NBAS: variants seen among roughly 807,000 people sequenced by gnomAD.
NBAS encodes the protein NAG/BC035112 fusion.
A neutral mutation model predicts 302.5 loss-of-function variants in NBAS; 219 were observed. The observed-to-expected ratio is 0.72, with a 90% confidence interval of 0.65 to 0.81. NBAS has a LOEUF of 0.81. Ranked by LOEUF, NBAS falls within the 30% of genes least tolerant of loss-of-function variation. NBAS has a pLI of 0.00. For synonymous variants in NBAS, 1,118 were observed against 1,021.6 expected (o/e 1.09, Z -1.80); for missense variants, 2,932 against 2,841.6 (o/e 1.03, Z -0.72).
At chr2:14,996,650 C>T in the NBAS span, among the ~76,000 whole-genome samples, 114 of 152,324 alleles carry the variant, frequency 7.5e-4, 1 homozygote, top group African/African-American at 2.6e-3. Context: ...GAAACCTTGA[C>T]TTGACAGGGC....
At chr2:15,308,405 C>T (rs753259922) in intron 39 of NBAS, 52 bp from the exon 40 acceptor site, 84 of 1,578,102 alleles carry the variant, frequency 5.3e-5, no homozygotes, top group African/African-American at 2.3e-4. Context: ...TTATGAAGAT[C>T]ATTATAAACC....
intron 29 of NBAS, among the ~76,000 whole-genome samples, chr2:15,381,408 T>C (rs576820753): frequency 6.6e-6 from 1 of 152,342 alleles, no homozygotes; most frequent in African/African-American, 2.4e-5. Flanking sequence ...TGTTATAATA[T>C]GCTTTCAAAT....
the NBAS span, among the ~76,000 whole-genome samples, chr2:15,144,935 T>G: frequency 1.3e-5 from 2 of 151,312 alleles, no homozygotes; most frequent in African/African-American, 2.5e-5. Context: ...GTGCCTTTCT[T>G]TACTGCAAAG....
intron 41 of NBAS, among the ~76,000 whole-genome samples, chr2:15,288,172 G>A (rs1042673935): frequency 6.6e-6 from 1 of 152,250 alleles, no homozygotes; most frequent in Non-Finnish European, 1.5e-5. Flanking sequence ...AGCACAATTA[G>A]TCACTTAACA....
chr2:15,547,734 C>T (rs1228774618), intron 6 of NBAS, among the ~76,000 whole-genome samples: 1 of 152,138 alleles, frequency 6.6e-6, no homozygotes, highest in African/African-American at 2.4e-5. Context: ...GAAAGGGCTG[C>T]ACTGGGAAAA....
At chr2:14,925,489 G>A in the NBAS span, among the ~76,000 whole-genome samples, 1 of 152,110 alleles carries the variant, frequency 6.6e-6, no homozygotes, top group Non-Finnish European at 1.5e-5. Flanking sequence ...CATAAAATAT[G>A]CTCATAAAAA....
intron 47 of NBAS, among the ~76,000 whole-genome samples, chr2:15,223,681 T>C (rs1042041300): frequency 4.6e-5 from 7 of 151,662 alleles, no homozygotes; most frequent in Non-Finnish European, 1.0e-4. Flanking sequence ...ATACAAAAAT[T>C]AGCTGGGCGT....
At chr2:15,303,817 G>T (rs1670914380) in intron 40 of NBAS, among the ~76,000 whole-genome samples, 1 of 152,230 alleles carries the variant, frequency 6.6e-6, no homozygotes, top group Non-Finnish European at 1.5e-5. Context: ...AGGCCAAAAT[G>T]TGGCTGTGGA....
chr2:15,021,286 T>C, the NBAS span, among the ~76,000 whole-genome samples: 2 of 151,816 alleles, frequency 1.3e-5, no homozygotes, highest in Non-Finnish European at 2.9e-5. Context: ...ACAGTGACTC[T>C]GAAAGAATGC....
Position 15,353,572 on chromosome 2 carries a change from C to A in NBAS, c.4070G>T (p.Ser1357Ile), listed in dbSNP as rs1199205096. ...PSSIELLLAA[S>I]SSLQTEILYQ... ...ACTTACTTCTGTCTGCAGAGAGCTGCTAGCTGCCAAAAGAAGTTCAATGCT... is the reference window on the plus strand; with the variant it reads ...ACTTACTTCTGTCTGCAGAGAGCTGATAGCTGCCAAAAGAAGTTCAATGCT... The change falls in exon 34 of 52, where the codon AGC (serine) becomes ATC (isoleucine). Residue 1357 changes from serine (S) to isoleucine (I), a missense_variant. Coordinates refer to ENST00000281513, the MANE Select transcript of NBAS (RefSeq NM_015909.4). 2 of 1,613,886 alleles carry A rather than the reference C, an allele frequency of 1.2e-6. No homozygotes were observed. Among genetic ancestry groups the A allele is most frequent in the Admixed American group, 1.7e-5 (1 of 60,004 alleles).
rs779617869 is a variant in NBAS at position 15,218,880 on chromosome 2, C to T, written c.6325G>A (p.Val2109Met). ...AATGATTGCCCCAAAATCTGCAGCACGTGAATGCGGGGCCGCACCGGCCAG... is the reference window on the plus strand; with the variant it reads ...AATGATTGCCCCAAAATCTGCAGCATGTGAATGCGGGGCCGCACCGGCCAG... ...DAWPVRPRIH[V>M]LQILGQSFHL... The change falls in exon 48 of 52, where the codon GTG becomes ATG. Residue 2109 changes from valine (V) to methionine (M), a missense_variant. By Grantham distance (21) the Val-to-Met change is conservative. Transcript: ENST00000281513. 2.7e-5 allele frequency: 44 copies of T among 1,614,144 alleles called. No homozygotes were observed. The highest frequency in any genetic ancestry group is 3.6e-5 in the Non-Finnish European group (42 of 1,180,064).
At chr2:14,998,896 A>G in the NBAS span, among the ~76,000 whole-genome samples, 1 of 152,182 alleles carries the variant, frequency 6.6e-6, no homozygotes, top group Non-Finnish European at 1.5e-5. Flanking sequence ...ATTTCTCCAA[A>G]TCGGATCATC....
At chr2:14,935,633 C>CT in the NBAS span, among the ~76,000 whole-genome samples, 2 of 152,150 alleles carry the variant, frequency 1.3e-5, no homozygotes, top group African/African-American at 2.4e-5. Context: ...AATCCCTCCC[C>CT]TTTAAACAGT....
chr2:14,964,701 C>A, the NBAS span, among the ~76,000 whole-genome samples: 1 of 152,018 alleles, frequency 6.6e-6, no homozygotes, highest in Admixed American at 6.6e-5. Context: ...ACCACACAAC[C>A]TGATTAATTG....
the NBAS span, among the ~76,000 whole-genome samples, chr2:14,843,583 A>ACACACACACACACAC: frequency 1.1e-4 from 10 of 94,204 alleles, no homozygotes; most frequent in African/African-American, 1.3e-3. Context: ...CACACACACA[A>ACACACACACACACAC]AAATACCTTC....
intron 25 of NBAS, among the ~76,000 whole-genome samples, chr2:15,414,148 A>G (rs1338204515): frequency 6.6e-6 from 1 of 152,234 alleles, no homozygotes; most frequent in Non-Finnish European, 1.5e-5. Flanking sequence ...ACTGCTTATG[A>G]GAAGACAGAA....
At chr2:15,117,087 G>A in the NBAS span, among the ~76,000 whole-genome samples, 6 of 152,014 alleles carry the variant, frequency 3.9e-5, no homozygotes, top group African/African-American at 7.3e-5. Context: ...TTCGCAATAC[G>A]TATCAGATCT....
At chr2:15,164,911 G>A (rs1203245276), downstream of NBAS, among the ~76,000 whole-genome samples, 1 of 152,146 alleles carries the variant, frequency 6.6e-6, no homozygotes, top group African/African-American at 2.4e-5. Context: ...TCAAAGCCAT[G>A]GAGCTTCCAG....
chr2:14,888,800 G>A, the NBAS span, among the ~76,000 whole-genome samples: 1 of 152,146 alleles, frequency 6.6e-6, no homozygotes, highest in African/African-American at 2.4e-5. Context: ...CAAAGAGGAA[G>A]ATGAAGATGT....
Sources: gnomAD v4.1 joint callset for allele counts (sites outside exome capture counted in the v4.1 genomes callset) on GRCh38, gnomAD v4.1.1 for gene constraint, MANE v1.5 for transcripts, NCBI Gene and HGNC (gene_info 2026-07-23, HGNC 2026-07-21) for gene names.